HOMER1: variants seen among roughly 807,000 people sequenced by gnomAD.
HOMER1 encodes homer scaffold protein 1, also known as homer protein homolog 1.
A neutral mutation model predicts 48.9 loss-of-function variants in HOMER1; 3 were observed. The observed-to-expected ratio is 0.06, with a 90% confidence interval of 0.03 to 0.16. The LOEUF (loss-of-function observed/expected upper bound fraction) is 0.16. Among genes scored for constraint, HOMER1 ranks in the 10% least tolerant of loss-of-function variants. The pLI is 1.00. For synonymous variants in HOMER1, 134 were observed against 146.4 expected (o/e 0.92, Z 0.61); for missense variants, 247 against 411.4 (o/e 0.60, Z 3.46).
chr5:79,391,063 A>C (rs777042672), intron 8 of HOMER1, among the ~76,000 whole-genome samples: 2 of 152,120 alleles, frequency 1.3e-5, no homozygotes, highest in Admixed American at 6.5e-5. Context: ...AGGAATAAAT[A>C]AGATAAAAAC....
intron 1 of HOMER1, among the ~76,000 whole-genome samples, chr5:79,505,654 A>G (rs891401385): frequency 1.3e-5 from 2 of 152,192 alleles, no homozygotes; most frequent in Non-Finnish European, 2.9e-5. Context: ...TTTAAAGCTA[A>G]TATTAATATT....
At chr5:79,394,950 T>A (rs997266014) in intron 8 of HOMER1, among the ~76,000 whole-genome samples, 1 of 152,214 alleles carries the variant, frequency 6.6e-6, no homozygotes, top group Non-Finnish European at 1.5e-5. Context: ...AGTGAGACAA[T>A]GTAAATGTGT....
At chr5:79,477,574 G>C (rs1751818767) in intron 1 of HOMER1, among the ~76,000 whole-genome samples, 1 of 152,238 alleles carries the variant, frequency 6.6e-6, no homozygotes, top group African/African-American at 2.4e-5. Context: ...AAATTGAACA[G>C]GGAGGTTCTC....
chr5:79,481,321 G>A (rs4612040), intron 1 of HOMER1, among the ~76,000 whole-genome samples: 12,097 of 152,124 alleles, frequency 0.08, 1,059 homozygotes, highest in East Asian at 0.23. Flanking sequence ...CAAAATATAA[G>A]AAACAAGTTT....
intron 8 of HOMER1, among the ~76,000 whole-genome samples, chr5:79,384,656 A>G (rs1403320391): frequency 6.6e-6 from 1 of 152,188 alleles, no homozygotes; most frequent in Non-Finnish European, 1.5e-5. Context: ...TGAGGCCAGC[A>G]TTACTCTGAT....
At chr5:79,470,631 CT>C (rs963689820) in intron 1 of HOMER1, among the ~76,000 whole-genome samples, 126 of 152,186 alleles carry the variant, frequency 8.3e-4, no homozygotes, top group African/African-American at 3.0e-3. Flanking sequence ...CATGAGTTGT[CT>C]TTTTTTACCT....
intron 5 of HOMER1, among the ~76,000 whole-genome samples, chr5:79,405,221 C>T (rs191854674): frequency 5.2e-4 from 79 of 152,182 alleles, no homozygotes; most frequent in African/African-American, 1.8e-3. Flanking sequence ...CACAGACACA[C>T]GAACATAAAA....
chr5:79,468,749 T>C (rs1406723605), intron 1 of HOMER1, among the ~76,000 whole-genome samples: 2 of 152,228 alleles, frequency 1.3e-5, no homozygotes, highest in Admixed American at 1.3e-4. Context: ...CATAGGGTAT[T>C]GGTACAGGTC....
chr5:79,383,159 C>T (rs559067932), intron 8 of HOMER1, among the ~76,000 whole-genome samples: 6 of 152,212 alleles, frequency 3.9e-5, no homozygotes, highest in African/African-American at 1.4e-4. Flanking sequence ...ATAGAGAGAT[C>T]AATCCAGCAA....
chr5:79,436,131 T>TA (rs1750576677), intron 5 of HOMER1, among the ~76,000 whole-genome samples: 2 of 131,808 alleles, frequency 1.5e-5, no homozygotes, highest in Non-Finnish European at 3.1e-5. Flanking sequence ...AGACTCCGTC[T>TA]CAAAAAAAAT....
intron 2 of HOMER1, among the ~76,000 whole-genome samples, chr5:79,453,827 C>A (rs981004856): frequency 1.3e-5 from 2 of 152,104 alleles, no homozygotes; most frequent in African/African-American, 4.8e-5. Flanking sequence ...CCAACTCAAT[C>A]ATGAAGAGCA....
At chr5:79,381,593 C>T (rs939865304) in intron 8 of HOMER1, among the ~76,000 whole-genome samples, 20 of 152,174 alleles carry the variant, frequency 1.3e-4, no homozygotes, top group East Asian at 7.7e-4. Context: ...TTGTAAAAAA[C>T]GCACAAAGAG....
intron 1 of HOMER1, among the ~76,000 whole-genome samples, chr5:79,480,119 T>C (rs1751906229): frequency 6.7e-6 from 1 of 149,068 alleles, no homozygotes. Flanking sequence ...GTTTCAGAAG[T>C]AAAAAGAATA....
rs536946316 is a variant in HOMER1, at chr5:79,435,723, C to G, written c.527+3287G>C. 1.9e-4 allele frequency among the ~76,000 whole-genome samples: 28 copies of G among 148,938 alleles called. No homozygotes were observed. The South Asian group carries it at 6.0e-3, about 32-fold the overall frequency. On this transcript the variant is annotated intron_variant, in intron 5 of 8. Transcript: ENST00000334082. ...GCGGGCGCCTGTAGTCCCACCTACTCGGGAGGCTGAGGCAGGAGAATGGCA... is the reference window on the plus strand; with the variant it reads ...GCGGGCGCCTGTAGTCCCACCTACTGGGGAGGCTGAGGCAGGAGAATGGCA...
chr5:79,435,070 G>A (rs1750537015), intron 5 of HOMER1, among the ~76,000 whole-genome samples: 1 of 152,116 alleles, frequency 6.6e-6, no homozygotes, highest in Non-Finnish European at 1.5e-5. Context: ...GTTTATAGGA[G>A]TTCATTATAG....
chr5:79,378,112 C>G (rs1341955783), intron 8 of HOMER1, among the ~76,000 whole-genome samples: 1 of 149,944 alleles, frequency 6.7e-6, no homozygotes, highest in Non-Finnish European at 1.5e-5. Context: ...CTCAGCTACT[C>G]GGGAGACTGA....
chr5:79,445,694 C>A (rs1462202877), intron 4 of HOMER1, among the ~76,000 whole-genome samples: 1 of 152,100 alleles, frequency 6.6e-6, no homozygotes, highest in African/African-American at 2.4e-5. Flanking sequence ...CCAAGGCAGG[C>A]GGATCACTTG....
At chr5:79,444,996 T>C (rs1009141264) in intron 4 of HOMER1, among the ~76,000 whole-genome samples, 1 of 152,160 alleles carries the variant, frequency 6.6e-6, no homozygotes, top group African/African-American at 2.4e-5. Context: ...TAAGGGAATA[T>C]GCACTTTAAG....
chr5:79,420,760 A>G (rs1750074107), intron 5 of HOMER1, among the ~76,000 whole-genome samples: 1 of 152,184 alleles, frequency 6.6e-6, no homozygotes, highest in Non-Finnish European at 1.5e-5. Context: ...CTACCTCCAC[A>G]TCATCCATAC....
Sources: gnomAD v4.1 joint callset for allele counts (sites outside exome capture counted in the v4.1 genomes callset) on GRCh38, gnomAD v4.1.1 for gene constraint, MANE v1.5 for transcripts, NCBI Gene and HGNC (gene_info 2026-07-23, HGNC 2026-07-21) for gene names.